Variants in CPQ observed in about 807,000 individuals in gnomAD.
CPQ encodes carboxypeptidase Q, also known as Ser-Met dipeptidase.
A neutral mutation model predicts 45.7 loss-of-function variants in CPQ; 37 were observed. That is an observed-to-expected ratio of 0.81 (90% confidence interval 0.62 to 1.07). The LOEUF (loss-of-function observed/expected upper bound fraction) is 1.07, where lower values mean the gene tolerates loss of function less well. CPQ is among the 50% of genes least tolerant of loss of function. The probability of loss-of-function intolerance (pLI) is 0.00; values close to 1 mark genes in which losing one functional copy is unlikely to be tolerated. For missense variants in CPQ, 537 were observed against 572.9 expected, an observed-to-expected ratio of 0.94 and a Z score of 0.64; for synonymous variants, 186 against 205.8, an observed-to-expected ratio of 0.90 and a Z score of 0.82.
At chr8:96,704,153 A>G (rs574559928) in intron 1 of CPQ, among the ~76,000 whole-genome samples, 20 of 152,162 alleles carry the variant, frequency 1.3e-4, no homozygotes, top group African/African-American at 4.1e-4. Context: ...GCACTGAACA[A>G]CCCATTTGAG....
At position 96,925,224 on chromosome 8, in the gene CPQ, A is replaced by G. The variant is rs1471931362; in HGVS notation, c.850-40711A>G. On this transcript the variant is annotated intron_variant, in intron 4 of 7. Coordinates refer to ENST00000220763, the MANE Select transcript of CPQ (RefSeq NM_016134.4). ...AATCTATCATTTAAGGCCCTGGCAT[A>G]ATTTCTCCTTCTTTAATGAAGCTGC... Among the ~76,000 whole-genome samples, 3 of 152,280 alleles carry G rather than the reference A, an allele frequency of 2.0e-5. No individual in the cohort carries two copies. The East Asian group carries it at 5.8e-4, about 29-fold the overall frequency.
At chr8:96,985,981 C>A (rs746509443) in intron 5 of CPQ, among the ~76,000 whole-genome samples, 13 of 152,284 alleles carry the variant, frequency 8.5e-5, no homozygotes, top group Non-Finnish European at 1.8e-4. Flanking sequence ...CATAGAGTCC[C>A]TTTCGTGATC....
chr8:97,003,265 T>A (rs1347847435), intron 5 of CPQ, among the ~76,000 whole-genome samples: 1 of 152,108 alleles, frequency 6.6e-6, no homozygotes. Flanking sequence ...ACATTTAAGG[T>A]TAGTATTTAT....
rs930894690 is a variant in CPQ, at chr8:96,845,038, G to A, written c.641+9858G>A. On this transcript the variant is annotated intron_variant, in intron 3 of 7. Transcript: ENST00000220763. The stretch of plus-strand genomic sequence containing the variant: ...AGATATTTTCCACCTCAGGGCCTTT[G>A]CACTCACTGTCCCCTTTGTCTGGAA... 2.6e-5 allele frequency among the ~76,000 whole-genome samples: 4 copies of A among 152,278 alleles called. No homozygotes were observed. In the East Asian group the frequency reaches 5.8e-4, roughly 22 times the overall value.
At chr8:97,130,912 T>A (rs1489703981) in intron 7 of CPQ, among the ~76,000 whole-genome samples, 1 of 149,112 alleles carries the variant, frequency 6.7e-6, no homozygotes. Context: ...AAAAAAAAAA[T>A]TTGCATCTCT....
chr8:96,764,608 AAAC>A (rs1810444749), intron 1 of CPQ, among the ~76,000 whole-genome samples: 1 of 152,200 alleles, frequency 6.6e-6, no homozygotes, highest in African/African-American at 2.4e-5. Context: ...AAGTGATAAA[AAAC>A]ATTTGGGCCA....
At position 96,793,867 on chromosome 8, in the gene CPQ, G is replaced by A. The variant is rs559571030; in HGVS notation, c.433+8537G>A. On this transcript the variant is annotated intron_variant, in intron 2 of 7. Coordinates refer to ENST00000220763, the MANE Select transcript of CPQ (RefSeq NM_016134.4). ...TGCAAGTCCAAAATCCAGCAGGGCA[G>A]CCAAATCTTAAAGCTTCAAAATGAT... Among the ~76,000 whole-genome samples the A allele has an allele frequency of 4.6e-5, 7 of 152,332 alleles. No homozygotes were observed. The East Asian group carries it at 1.4e-3, about 29-fold the overall frequency.
intron 6 of CPQ, among the ~76,000 whole-genome samples, chr8:97,057,291 T>C (rs1262357357): frequency 6.6e-6 from 1 of 152,232 alleles, no homozygotes; most frequent in Non-Finnish European, 1.5e-5. Context: ...TTGGCTTTAA[T>C]TGAGGATCAA....
chr8:96,972,570 CAACCAACACAA>C (rs1294174955), intron 5 of CPQ, among the ~76,000 whole-genome samples: 1 of 152,198 alleles, frequency 6.6e-6, no homozygotes, highest in African/African-American at 2.4e-5. Flanking sequence ...GGCTGGAGGC[CAACCAACACAA>C]AACCAACACT....
rs910173840 is a variant in CPQ at position 96,804,557 on chromosome 8, A to G, written c.433+19227A>G. On this transcript the variant is annotated intron_variant, in intron 2 of 7. Coordinates refer to ENST00000220763, the MANE Select transcript of CPQ (RefSeq NM_016134.4). ...AGAATTCCTAAAAGTTTTTTTTTTC[A>G]GGAAAATATCTAGTTTTTTTAATTT... Among the ~76,000 whole-genome samples the G allele has an allele frequency of 5.3e-5, 8 of 151,676 alleles. 1 individual carries two copies. The highest frequency in any genetic ancestry group is 1.7e-4 in the African/African-American group (7 of 41,346).
chr8:96,841,625 G>A (rs1340757742), intron 3 of CPQ, among the ~76,000 whole-genome samples: 1 of 152,178 alleles, frequency 6.6e-6, no homozygotes, highest in African/African-American at 2.4e-5. Flanking sequence ...AACTCATTGA[G>A]GTGGGAATGA....
At chr8:97,045,383 C>T (rs200494780) in intron 6 of CPQ, among the ~76,000 whole-genome samples, 23 of 152,152 alleles carry the variant, frequency 1.5e-4, no homozygotes, top group South Asian at 4.1e-4. Context: ...TTCCAGGTGC[C>T]GTCTGTCACC....
intron 6 of CPQ, 73 bp from the exon 7 acceptor site, chr8:97,065,936 G>A (rs1810627507): frequency 9.0e-6 from 13 of 1,444,312 alleles, no homozygotes; most frequent in Non-Finnish European, 1.3e-5. Context: ...TTTGGTAATT[G>A]TTGTTTGATA....
At chr8:96,756,446 G>T (rs1030420103) in intron 1 of CPQ, among the ~76,000 whole-genome samples, 1 of 151,976 alleles carries the variant, frequency 6.6e-6, no homozygotes, top group Non-Finnish European at 1.5e-5. Context: ...TACTTTGTAG[G>T]TTAATTCTGA....
chr8:97,125,334 A>T (rs1811829988), intron 7 of CPQ, among the ~76,000 whole-genome samples: 1 of 152,194 alleles, frequency 6.6e-6, no homozygotes, highest in Non-Finnish European at 1.5e-5. Flanking sequence ...TAATAACATG[A>T]CTATGCAAAC....
intron 1 of CPQ, among the ~76,000 whole-genome samples, chr8:96,761,932 T>G (rs148796577): frequency 6.6e-6 from 1 of 152,334 alleles, no homozygotes; most frequent in East Asian, 1.9e-4. Flanking sequence ...ACTAGCTTGC[T>G]TTGGCCTTCA....
chr8:96,887,191 C>A (rs1812316553), intron 4 of CPQ, among the ~76,000 whole-genome samples: 1 of 152,168 alleles, frequency 6.6e-6, no homozygotes, highest in Non-Finnish European at 1.5e-5. Flanking sequence ...AATAGATGCA[C>A]TACTAATCAT....
chr8:97,074,686 G>A (rs1025203527), intron 7 of CPQ, among the ~76,000 whole-genome samples: 11 of 152,078 alleles, frequency 7.2e-5, no homozygotes, highest in African/African-American at 2.4e-4. Context: ...CAGGAGAATC[G>A]CTTGAATCCG....
At chr8:96,963,801 A>G (rs1813504164) in intron 4 of CPQ, among the ~76,000 whole-genome samples, 1 of 152,054 alleles carries the variant, frequency 6.6e-6, no homozygotes, top group South Asian at 2.1e-4. Flanking sequence ...CATGACCAGC[A>G]CCCCAAAAGG....
Sources: allele counts gnomAD v4.1 joint callset (sites outside exome capture counted in the v4.1 genomes callset), GRCh38; gene constraint gnomAD v4.1.1; transcripts MANE v1.5; gene names NCBI Gene and HGNC (gene_info 2026-07-23, HGNC 2026-07-21).